BMP2K: variants seen among roughly 807,000 people sequenced by gnomAD.
The protein encoded by BMP2K is BMP-2-inducible protein kinase.
A neutral mutation model predicts 116.0 loss-of-function variants in BMP2K; 74 were observed. That is an observed-to-expected ratio of 0.64 (90% CI 0.53 to 0.77). The LOEUF (loss-of-function observed/expected upper bound fraction) is 0.77. Ranked by LOEUF, BMP2K falls within the 30% of genes least tolerant of loss-of-function variation. The pLI is 0.00. For synonymous variants in BMP2K, 486 were observed against 502.5 expected (o/e 0.97, Z 0.44); for missense variants, 1,365 against 1,403.6 (o/e 0.97, Z 0.44).
intron 8 of BMP2K, among the ~76,000 whole-genome samples, chr4:78,860,688 G>GC (rs1220376219): frequency 1.3e-5 from 2 of 151,032 alleles, no homozygotes; most frequent in Non-Finnish European, 3.0e-5. Context: ...GATCATTCTG[G>GC]CCTGACCTGT....
At chr4:78,866,887 G>A (rs1251783464) in intron 10 of BMP2K, among the ~76,000 whole-genome samples, 1 of 152,120 alleles carries the variant, frequency 6.6e-6, no homozygotes, top group Non-Finnish European at 1.5e-5. Context: ...AAGGGAAGTA[G>A]GCTTTGCTCT....
rs145394627 is a variant in BMP2K, at chr4:78,783,558, C to G, written c.178+6837C>G. ...TGGTGGCTCACGCCTGTAATCCCAG[C>G]ACTTTGGGAGGCTGAGACAGGTAGA... On this transcript the variant is annotated intron_variant, in intron 1 of 15. Transcript: ENST00000502613. Among the ~76,000 whole-genome samples, 689 of 152,278 alleles carry G rather than the reference C, an allele frequency of 4.5e-3. 2 individuals are homozygous for G. Among genetic ancestry groups the G allele is most frequent in the African/African-American group, 0.016 (652 of 41,526 alleles).
intron 3 of BMP2K, 32 bp downstream of exon 3, chr4:78,833,719 A>G: frequency 6.7e-7 from 1 of 1,484,236 alleles, no homozygotes; most frequent in East Asian, 2.3e-5. Flanking sequence ...TACTGTAATA[A>G]AAAGTTTCTC....
chr4:78,842,803 C>G (rs921501982), intron 4 of BMP2K, among the ~76,000 whole-genome samples: 1 of 151,928 alleles, frequency 6.6e-6, no homozygotes, highest in Non-Finnish European at 1.5e-5. Flanking sequence ...TTCATTTGAA[C>G]ATAAATGTGA....
At chr4:78,808,368 C>T (rs28781350) in intron 1 of BMP2K, among the ~76,000 whole-genome samples, 1 of 151,344 alleles carries the variant, frequency 6.6e-6, no homozygotes, top group Non-Finnish European at 1.5e-5. Context: ...TGGGTTCACA[C>T]CATTCTCCCG....
At chr4:78,795,889 C>CCT (rs1728239798) in intron 1 of BMP2K, among the ~76,000 whole-genome samples, 1 of 151,728 alleles carries the variant, frequency 6.6e-6, no homozygotes. Flanking sequence ...AGTCAGGAAA[C>CCT]AACAGGTGCT....
At chr4:78,807,875 A>G (rs1194401893) in intron 1 of BMP2K, among the ~76,000 whole-genome samples, 1 of 151,706 alleles carries the variant, frequency 6.6e-6, no homozygotes, top group Non-Finnish European at 1.5e-5. Flanking sequence ...TTTATTCCTG[A>G]TTATATTAAT....
intron 1 of BMP2K, among the ~76,000 whole-genome samples, chr4:78,782,700 G>T (rs1483112810): frequency 6.6e-6 from 1 of 152,108 alleles, no homozygotes; most frequent in Non-Finnish European, 1.5e-5. Flanking sequence ...TATTGACATT[G>T]TATTTTTATT....
Position 78,776,456 on chromosome 4 carries a change from G to C in BMP2K, c.-88G>C. ...CAGCACGCTCGGACGGGCCAGGGGC[G>C]GCGACCCCTCGCGGACGCCCGGCTG... is the stretch of plus-strand genomic sequence containing the variant. On this transcript the variant is annotated 5_prime_UTR_variant, in exon 1 of 16. Transcript: ENST00000502613. 9.2e-7 allele frequency: 1 copy of C among 1,087,010 alleles called. No individual in the cohort carries two copies. Among genetic ancestry groups the C allele is most frequent in the Middle Eastern group, 4.0e-4 (1 of 2,476 alleles). The allele number at this position is 1,087,010 out of a possible 1,614,324, so 67.3% of individuals were successfully genotyped here.
chr4:78,897,415 A>G (rs1733759280), intron 15 of BMP2K, among the ~76,000 whole-genome samples: 1 of 152,098 alleles, frequency 6.6e-6, no homozygotes, highest in South Asian at 2.1e-4. Flanking sequence ...ATTATGTAGC[A>G]ATGTACAAAT....
intron 1 of BMP2K, among the ~76,000 whole-genome samples, chr4:78,821,467 G>A (rs913699943): frequency 2.0e-5 from 3 of 152,178 alleles, no homozygotes; most frequent in African/African-American, 4.8e-5. Context: ...CTTGAGTTGA[G>A]GTGGGGGGCT....
chr4:78,834,583 A>T (rs1271986495), intron 3 of BMP2K, among the ~76,000 whole-genome samples: 1 of 152,100 alleles, frequency 6.6e-6, no homozygotes, highest in Non-Finnish European at 1.5e-5. Context: ...ATGTGTGGAA[A>T]GGTGGAGGCA....
Position 78,776,566 on chromosome 4 carries a change from C to A in BMP2K, c.23C>A (p.Pro8His). ...ACCATGAAGAAGTTCTCTCGGATGCCCAAGTCGGAGGGCGGCAGCGGCGGC... is the reference window on the plus strand; with the variant it reads ...ACCATGAAGAAGTTCTCTCGGATGCACAAGTCGGAGGGCGGCAGCGGCGGC... The part of the protein sequence containing the change: MKKFSRM[P>H]KSEGGSGGGA... Residue 8 changes from proline (P) to histidine (H), a missense_variant, in exon 1 of 16, where the codon CCC (proline) becomes CAC (histidine). This residue lies in a region of BMP2K where 762 missense variants were observed against 756.7 expected (regional missense o/e 1.01). Transcript: ENST00000502613. The A allele has an allele frequency of 1.7e-6, 2 of 1,155,298 alleles. No homozygotes were observed. The highest frequency in any genetic ancestry group is 2.1e-6 in the Non-Finnish European group (2 of 934,488). The allele number at this position is 1,155,298 out of a possible 1,614,324, so 71.6% of individuals were successfully genotyped here.
intron 4 of BMP2K, among the ~76,000 whole-genome samples, chr4:78,843,209 T>C (rs980941705): frequency 6.6e-6 from 1 of 151,974 alleles, no homozygotes; most frequent in Non-Finnish European, 1.5e-5. Flanking sequence ...TGAATTGCTT[T>C]ATGCCTAGAT....
chr4:78,803,862 C>G (rs757626998), intron 1 of BMP2K, among the ~76,000 whole-genome samples: 1 of 152,242 alleles, frequency 6.6e-6, no homozygotes, highest in African/African-American at 2.4e-5. Context: ...TTTTATCATG[C>G]CTCATCTCCC....
rs1309906154 is a variant in BMP2K at position 78,913,294 on chromosome 4, T to C, written c.*1261T>C. ...TGGACTAGCATCTTAATTCTGCTAG[T>C]TGATTGTGTCTTTACTGAAAAGAAC... On this transcript the variant is annotated 3_prime_UTR_variant, in exon 16 of 16. Transcript: ENST00000502613. The C allele has an allele frequency of 6.6e-6, 1 of 152,186 alleles. No homozygotes were observed. Among genetic ancestry groups the C allele is most frequent in the African/African-American group, 2.4e-5 (1 of 41,462 alleles). 9.4% of individuals were successfully genotyped at this position (152,186 alleles called of 1,614,324 possible).
At chr4:78,895,116 A>C (rs981119152) in intron 15 of BMP2K, among the ~76,000 whole-genome samples, 1 of 152,216 alleles carries the variant, frequency 6.6e-6, no homozygotes, top group Non-Finnish European at 1.5e-5. Flanking sequence ...AAAGTTTTAA[A>C]TATTGTAAGA....
intron 1 of BMP2K, among the ~76,000 whole-genome samples, chr4:78,814,135 G>A (rs1235075254): frequency 6.6e-6 from 1 of 152,162 alleles, no homozygotes; most frequent in Admixed American, 6.5e-5. Context: ...GTAGGGAAAT[G>A]TTCCTTGGCA....
rs1727300250 is a variant in BMP2K, at chr4:78,777,464, C to T, written c.178+743C>T. On this transcript the variant is annotated intron_variant, in intron 1 of 15. Transcript: ENST00000502613. ...CATGATCTGGAACAGGTTATGACGGCAGGTAGAAGTCTACTTACAAAAAAA... is the reference window on the plus strand; with the variant it reads ...CATGATCTGGAACAGGTTATGACGGTAGGTAGAAGTCTACTTACAAAAAAA... Among the ~76,000 whole-genome samples, 4 of 152,124 alleles carry T rather than the reference C, an allele frequency of 2.6e-5. No individual in the cohort carries two copies. The South Asian group carries it at 8.3e-4, about 32-fold the overall frequency.
Sources: gnomAD v4.1 joint callset for allele counts (sites outside exome capture counted in the v4.1 genomes callset) on GRCh38, gnomAD v4.1.1 for gene constraint, gnomAD v4.1.1 regional missense constraint, MANE v1.5 for transcripts, NCBI Gene and HGNC (gene_info 2026-07-23, HGNC 2026-07-21) for gene names.